Variants in MYO3B observed in about 807,000 individuals in gnomAD.
The protein encoded by MYO3B is myosin-IIIb.
A neutral mutation model predicts 174.6 loss-of-function variants in MYO3B; 156 were observed. The observed-to-expected ratio is 0.89, with a 90% CI of 0.78 to 1.02. The LOEUF (loss-of-function observed/expected upper bound fraction) is 1.02. MYO3B is among the 50% of genes least tolerant of loss of function. MYO3B has a pLI of 0.00. For synonymous variants in MYO3B, 563 were observed against 569.1 expected (o/e 0.99, Z 0.15); for missense variants, 1,632 against 1,639.4 (o/e 1.00, Z 0.08).
chr2:170,242,008 C>A (rs938513553), intron 7 of MYO3B, among the ~76,000 whole-genome samples: 1 of 152,088 alleles, frequency 6.6e-6, no homozygotes, highest in Admixed American at 6.5e-5. Context: ...TCCTTTAGGG[C>A]TGTGAAATAT....
chr2:170,254,100 C>G (rs2081352), intron 7 of MYO3B, among the ~76,000 whole-genome samples: 82,668 of 151,780 alleles, frequency 0.54, 22,843 homozygotes, highest in East Asian at 0.7. Context: ...CTGAGCACCA[C>G]GACCAGCTCC....
chr2:170,212,682 A>G (rs2092785063), intron 3 of MYO3B, among the ~76,000 whole-genome samples: 1 of 152,196 alleles, frequency 6.6e-6, no homozygotes, highest in Non-Finnish European at 1.5e-5. Context: ...TCCTGCTAAC[A>G]GGCCCTCTAC....
At chr2:170,216,820 G>A (rs1314241348) in intron 5 of MYO3B, among the ~76,000 whole-genome samples, 1 of 151,926 alleles carries the variant, frequency 6.6e-6, no homozygotes, top group Non-Finnish European at 1.5e-5. Context: ...ATGATATTTT[G>A]GATTGATCCT....
At chr2:170,460,772 A>T (rs527465189) in intron 23 of MYO3B, among the ~76,000 whole-genome samples, 1 of 152,224 alleles carries the variant, frequency 6.6e-6, no homozygotes, top group Non-Finnish European at 1.5e-5. Flanking sequence ...ATTGGTGCTT[A>T]ACTCTGCATT....
intron 25 of MYO3B, among the ~76,000 whole-genome samples, chr2:170,485,031 T>C (rs1685944687): frequency 6.6e-6 from 1 of 152,240 alleles, no homozygotes; most frequent in Non-Finnish European, 1.5e-5. Context: ...TGGGTGGTCA[T>C]TGATATACAT....
intron 7 of MYO3B, among the ~76,000 whole-genome samples, chr2:170,306,825 A>G (rs1034486987): frequency 6.6e-6 from 1 of 152,186 alleles, no homozygotes; most frequent in Non-Finnish European, 1.5e-5. Context: ...CTGAGGTGTC[A>G]TCTTAGTGCA....
intron 30 of MYO3B, among the ~76,000 whole-genome samples, chr2:170,535,977 C>T (rs756003945): frequency 2.0e-5 from 3 of 152,224 alleles, no homozygotes; most frequent in Non-Finnish European, 4.4e-5. Flanking sequence ...GCTTTATGGG[C>T]AGCTGTCAGT....
chr2:170,475,284 T>C (rs1685246434), intron 25 of MYO3B, among the ~76,000 whole-genome samples: 1 of 152,188 alleles, frequency 6.6e-6, no homozygotes, highest in Non-Finnish European at 1.5e-5. Context: ...AGGGCCCTGC[T>C]CTGCTGCCTA....
chr2:170,365,775 G>C (rs189559288), intron 8 of MYO3B, among the ~76,000 whole-genome samples: 20 of 152,218 alleles, frequency 1.3e-4, no homozygotes, highest in Middle Eastern at 6.8e-3. Context: ...TGCTGATCCT[G>C]TGGTATGATG....
intron 9 of MYO3B, among the ~76,000 whole-genome samples, chr2:170,372,136 A>AAAC (rs2094252562): frequency 6.7e-6 from 1 of 148,336 alleles, no homozygotes; most frequent in Non-Finnish European, 1.5e-5. Flanking sequence ...AAAAAAAAAA[A>AAAC]AAAAAAAAAC....
chr2:170,397,422 G>T (rs1273153320), intron 16 of MYO3B, among the ~76,000 whole-genome samples: 1 of 152,052 alleles, frequency 6.6e-6, no homozygotes, highest in East Asian at 1.9e-4. Flanking sequence ...GAGTATTTTT[G>T]TGAAAGTACT....
intron 12 of MYO3B, 158 bp from the exon 13 acceptor site, chr2:170,386,031 A>C: frequency 1.7e-6 from 1 of 571,706 alleles, no homozygotes; most frequent in Non-Finnish European, 3.1e-6. Flanking sequence ...GTAGCTATAC[A>C]AAAGGTTGAA....
chr2:170,236,251 G>T, intron 7 of MYO3B, 115 bp downstream of exon 7: 576 of 972,444 alleles, frequency 5.9e-4, no homozygotes, highest in Non-Finnish European at 6.3e-4. Context: ...GCCTGATTGT[G>T]AAATATATTT....
intron 24 of MYO3B, among the ~76,000 whole-genome samples, chr2:170,463,691 T>TTAAGTA: frequency 6.6e-6 from 1 of 151,586 alleles, no homozygotes; most frequent in African/African-American, 2.4e-5. Context: ...GGCAGCCACT[T>TTAAGTA]TTCTAGCATA....
rs111638845 is a variant in MYO3B, at chr2:170,269,535, T to C, written c.749+33399T>C. ...CAATGGAAGTATTGATAGAGGCTTT[T>C]AGAGGACAATTTGGCACTATCAAAA... On this transcript the variant is annotated intron_variant, in intron 7 of 34. Transcript: ENST00000408978. 5.3e-5 allele frequency among the ~76,000 whole-genome samples: 8 copies of C among 152,316 alleles called. 1 individual carries two copies. Among genetic ancestry groups the C allele is most frequent in the African/African-American group, 1.9e-4 (8 of 41,572 alleles).
intron 7 of MYO3B, among the ~76,000 whole-genome samples, chr2:170,290,369 T>C (rs1484838277): frequency 6.6e-6 from 1 of 152,222 alleles, no homozygotes; most frequent in Non-Finnish European, 1.5e-5. Context: ...CACTGTTGGG[T>C]GCATATATAC....
chr2:170,227,197 T>C (rs1304199719), intron 6 of MYO3B, among the ~76,000 whole-genome samples: 1 of 152,192 alleles, frequency 6.6e-6, no homozygotes, highest in Non-Finnish European at 1.5e-5. Flanking sequence ...CAGAGGAGCC[T>C]TGAGTAGGAT....
chr2:170,648,771 ATATTCTATG>A (rs1281494793), intron 32 of MYO3B, among the ~76,000 whole-genome samples: 3 of 104,064 alleles, frequency 2.9e-5, no homozygotes, highest in Non-Finnish European at 3.8e-5. Flanking sequence ...AGAATATAAT[ATATTCTATG>A]TATTCTATAA....
chr2:170,271,972 TAA>T (rs2093428322), intron 7 of MYO3B, among the ~76,000 whole-genome samples: 1 of 152,108 alleles, frequency 6.6e-6, no homozygotes, highest in Non-Finnish European at 1.5e-5. Context: ...TTGTATCTAG[TAA>T]ACTTGCAGAT....
Sources: allele counts gnomAD v4.1 joint callset (sites outside exome capture counted in the v4.1 genomes callset), GRCh38; gene constraint gnomAD v4.1.1; transcripts MANE v1.5; gene names NCBI Gene and HGNC (gene_info 2026-07-23, HGNC 2026-07-21).